NGF: variants seen among roughly 807,000 people sequenced by gnomAD.
NGF encodes nerve growth factor, also known as beta-nerve growth factor.
A neutral mutation model predicts 12.8 loss-of-function variants in NGF; 4 were observed. That is an observed-to-expected ratio of 0.31 (90% CI 0.15 to 0.72). The LOEUF (loss-of-function observed/expected upper bound fraction) is 0.72, where lower values mean the gene tolerates loss of function less well. Ranked by LOEUF, NGF falls within the 30% of genes least tolerant of loss-of-function variation. The pLI is 0.69. For synonymous variants in NGF, 140 were observed against 130.0 expected, an observed-to-expected ratio of 1.08 and a Z score of -0.52; for missense variants, 283 against 330.8, an observed-to-expected ratio of 0.86 and a Z score of 1.12.
chr1:115,318,956 G>C (rs1175401845), intron 1 of NGF, among the ~76,000 whole-genome samples: 1 of 152,178 alleles, frequency 6.6e-6, no homozygotes, highest in East Asian at 1.9e-4. Flanking sequence ...GCAGGGCTAT[G>C]GACAGATGCT....
chr1:115,293,045 A>G (rs1653751347), intron 2 of NGF, among the ~76,000 whole-genome samples: 1 of 152,086 alleles, frequency 6.6e-6, no homozygotes, highest in South Asian at 2.1e-4. Context: ...GATAATAGTA[A>G]TTATTATTTA....
At chr1:115,333,709 CTTTCTTTTCTT>C (rs746705767) in intron 1 of NGF, among the ~76,000 whole-genome samples, 1 of 57,104 alleles carries the variant, frequency 1.8e-5, no homozygotes, top group African/African-American at 1.4e-4. Flanking sequence ...TTCTTTCTTT[CTTTCTTTTCTT>C]TCTTTCCTTC....
At chr1:115,311,751 G>A (rs1299414547) in intron 1 of NGF, among the ~76,000 whole-genome samples, 1 of 152,114 alleles carries the variant, frequency 6.6e-6, no homozygotes, top group African/African-American at 2.4e-5. Flanking sequence ...AATACATAAA[G>A]CATCAGAGGT....
At chr1:115,295,714 C>A (rs995112714) in intron 1 of NGF, among the ~76,000 whole-genome samples, 1 of 152,114 alleles carries the variant, frequency 6.6e-6, no homozygotes, top group African/African-American at 2.4e-5. Flanking sequence ...CAGATGACAG[C>A]TAAGGTCCCC....
intron 1 of NGF, among the ~76,000 whole-genome samples, chr1:115,317,307 C>T (rs554079686): frequency 1.3e-5 from 2 of 152,146 alleles, no homozygotes; most frequent in Non-Finnish European, 2.9e-5. Context: ...TCTGCTCTGT[C>T]TCCATGCTCC....
chr1:115,293,479 T>G (rs904041812), intron 2 of NGF, 148 bp downstream of exon 2: 1 of 152,410 alleles, frequency 6.6e-6, no homozygotes, highest in African/African-American at 2.4e-5. Context: ...GGGAGCTGCA[T>G]TTGCTGCACC....
chr1:115,327,667 C>T (rs567227653), intron 1 of NGF, among the ~76,000 whole-genome samples: 3 of 152,294 alleles, frequency 2.0e-5, no homozygotes, highest in Middle Eastern at 6.8e-3. Context: ...ACACTCTCCC[C>T]GCCACCTTTT....
intron 1 of NGF, among the ~76,000 whole-genome samples, chr1:115,331,945 C>A (rs137990858): frequency 6.6e-6 from 1 of 152,188 alleles, no homozygotes; most frequent in African/African-American, 2.4e-5. Flanking sequence ...CCCTGTGGGG[C>A]GAGGACAATC....
rs11466092 is a variant in NGF at position 115,294,313 on chromosome 1, T to G, written c.-136-563A>C. 1.9e-3 allele frequency among the ~76,000 whole-genome samples: 286 copies of G among 152,290 alleles called. 2 individuals are homozygous for G. Among genetic ancestry groups the G allele is most frequent in the Non-Finnish European group, 3.4e-3 (233 of 68,022 alleles). ...TCAGAGTACCACACTGAAAGGCAGA[T>G]TTTAGGATTGGAAGCTATGGAGCTG... is the stretch of plus-strand genomic sequence containing the variant. On this transcript the variant is annotated intron_variant, in intron 1 of 2. Transcript: ENST00000369512.
chr1:115,304,698 A>G (rs1218100154), intron 1 of NGF, among the ~76,000 whole-genome samples: 1 of 152,140 alleles, frequency 6.6e-6, no homozygotes, highest in Non-Finnish European at 1.5e-5. Context: ...AGAAGGAGGC[A>G]CCCCTCTGGC....
chr1:115,304,049 C>G (rs927681463), intron 1 of NGF, among the ~76,000 whole-genome samples: 1 of 151,884 alleles, frequency 6.6e-6, no homozygotes, highest in African/African-American at 2.4e-5. Flanking sequence ...CTTTGTGTTT[C>G]CAATAATGTT....
At chr1:115,307,779 C>G (rs542071208) in intron 1 of NGF, among the ~76,000 whole-genome samples, 1 of 152,344 alleles carries the variant, frequency 6.6e-6, no homozygotes, top group South Asian at 2.1e-4. Context: ...CAGAATGATA[C>G]AGTGATTTCA....
At chr1:115,334,458 G>A (rs1170256362) in intron 1 of NGF, among the ~76,000 whole-genome samples, 1 of 152,024 alleles carries the variant, frequency 6.6e-6, no homozygotes, top group African/African-American at 2.4e-5. Flanking sequence ...TTTTCCCATG[G>A]GTCATTTGTA....
At chr1:115,290,792 G>C (rs1653671475) in intron 2 of NGF, among the ~76,000 whole-genome samples, 1 of 152,114 alleles carries the variant, frequency 6.6e-6, no homozygotes. Context: ...GCAGCAAAGT[G>C]TCCTACTCAT....
intron 1 of NGF, among the ~76,000 whole-genome samples, chr1:115,316,642 C>T (rs1654482624): frequency 6.6e-6 from 1 of 152,040 alleles, no homozygotes; most frequent in African/African-American, 2.4e-5. Flanking sequence ...CAAAATCAAC[C>T]AACAAACTTA....
chr1:115,327,451 A>G (rs1654808398), intron 1 of NGF, among the ~76,000 whole-genome samples: 1 of 152,262 alleles, frequency 6.6e-6, no homozygotes, highest in African/African-American at 2.4e-5. Context: ...TCTGAAGTCA[A>G]GCTTTGGAGT....
At chr1:115,313,539 G>A (rs11466081) in intron 1 of NGF, among the ~76,000 whole-genome samples, 3,432 of 152,300 alleles carry the variant, frequency 0.023, 71 homozygotes, top group Middle Eastern at 0.058. Flanking sequence ...AGGTAAAAGC[G>A]AAATACTCAT....
At chr1:115,315,673 C>T (rs1019111001) in intron 1 of NGF, among the ~76,000 whole-genome samples, 9 of 152,208 alleles carry the variant, frequency 5.9e-5, no homozygotes, top group African/African-American at 2.2e-4. Context: ...TTTGAATAGG[C>T]AGTTGATATA....
At chr1:115,302,648 A>G (rs1318152099) in intron 1 of NGF, among the ~76,000 whole-genome samples, 4 of 152,212 alleles carry the variant, frequency 2.6e-5, no homozygotes, top group Non-Finnish European at 4.4e-5. Flanking sequence ...CTGTCTGTAA[A>G]GGAAGCTGCA....
Sources: gnomAD v4.1 joint callset for allele counts (sites outside exome capture counted in the v4.1 genomes callset) on GRCh38, gnomAD v4.1.1 for gene constraint, MANE v1.5 for transcripts, NCBI Gene and HGNC (gene_info 2026-07-23, HGNC 2026-07-21) for gene names.